The following DGLUCY variants were observed in gnomAD, a reference collection of about 807,000 sequenced individuals.
DGLUCY encodes D-glutamate cyclase, mitochondrial.
In DGLUCY, 58 loss-of-function variants were observed where a neutral mutation model predicts 58.5. The observed-to-expected ratio is 0.99, with a 90% CI of 0.80 to 1.23. The LOEUF is 1.23. DGLUCY is among the 50% of genes most tolerant of loss of function. DGLUCY has a pLI of 0.00. For missense variants in DGLUCY, 779 were observed against 784.7 expected, an observed-to-expected ratio of 0.99 and a Z score of 0.09; for synonymous variants, 325 against 314.1, an observed-to-expected ratio of 1.03 and a Z score of -0.37.
At chr14:91,187,846 A>G (rs1362707540) in intron 8 of DGLUCY, among the ~76,000 whole-genome samples, 1 of 151,362 alleles carries the variant, frequency 6.6e-6, no homozygotes, top group Non-Finnish European at 1.5e-5. Context: ...ACAATCCTTT[A>G]CTGTTTTTTT....
intron 10 of DGLUCY, among the ~76,000 whole-genome samples, chr14:91,198,813 C>T (rs1284771473): frequency 6.6e-6 from 1 of 152,082 alleles, no homozygotes; most frequent in African/African-American, 2.4e-5. Flanking sequence ...GTGAGGTACA[C>T]AGTGTGGTCA....
chr14:91,157,634 T>C lies in DGLUCY; in HGVS notation c.-81-5T>C, dbSNP rs904107476. ...ATTGAAGGCATTTTTTTTTTGACTT[T>C]GCAGGAGCCAAGTTACACCCTGTTT... On this transcript the variant is annotated splice_polypyrimidine_tract_variant and splice_region_variant and intron_variant, in intron 1 of 13. Coordinates refer to ENST00000256324, the MANE Select transcript of DGLUCY (RefSeq NM_001102368.3). 1 of 152,110 alleles carries C rather than the reference T, an allele frequency of 6.6e-6. No homozygotes were observed. Among genetic ancestry groups the C allele is most frequent in the African/African-American group, 2.4e-5 (1 of 41,410 alleles). The allele number at this position is 152,110 out of a possible 1,614,324, so 9.4% of individuals were successfully genotyped here.
chr14:91,110,435 T>TTC (rs2044674886), upstream of DGLUCY, among the ~76,000 whole-genome samples: 1 of 146,392 alleles, frequency 6.8e-6, no homozygotes, highest in Non-Finnish European at 1.5e-5. Context: ...TCTTTCTTTT[T>TTC]TTTTTTTTTT....
intron 1 of DGLUCY, among the ~76,000 whole-genome samples, chr14:91,135,926 CTTTTTTTTTTTTT>C (rs34202137): frequency 2.1e-4 from 11 of 51,178 alleles, no homozygotes; most frequent in Non-Finnish European, 3.9e-4. Flanking sequence ...GATACATTAG[CTTTTTTTTTTTTT>C]TTTTTTTTTT....
chr14:91,119,166 A>G (rs1288438074), intron 1 of DGLUCY, among the ~76,000 whole-genome samples: 4 of 151,880 alleles, frequency 2.6e-5, no homozygotes, highest in Non-Finnish European at 4.4e-5. Context: ...CAGGCAAACA[A>G]CTCTGCTCCA....
intron 1 of DGLUCY, among the ~76,000 whole-genome samples, chr14:91,068,375 A>C (rs562826027): frequency 1.3e-5 from 2 of 152,348 alleles, no homozygotes; most frequent in South Asian, 4.1e-4. Flanking sequence ...TAAAAGATAT[A>C]AAGATATTGG....
intron 8 of DGLUCY, among the ~76,000 whole-genome samples, chr14:91,186,256 C>T (rs571683659): frequency 6.6e-6 from 1 of 152,000 alleles, no homozygotes; most frequent in East Asian, 1.9e-4. Flanking sequence ...CCTCGCCCCC[C>T]CTTTTTTTGA....
intron 12 of DGLUCY, among the ~76,000 whole-genome samples, chr14:91,207,351 A>C (rs1177606149): frequency 2.0e-5 from 3 of 152,088 alleles, no homozygotes; most frequent in Non-Finnish European, 4.4e-5. Flanking sequence ...GGAAAAAAAA[A>C]CCCACAACAG....
chr14:91,060,445 T>C (rs774261248), exon 1 of DGLUCY: 1 of 1,456,096 alleles, frequency 6.9e-7, no homozygotes, highest in Non-Finnish European at 9.1e-7. Context: ...CTTCTCCTTT[T>C]TTTCCGATCC....
chr14:91,204,934 C>G lies in DGLUCY; in HGVS notation c.1564+109C>G, dbSNP rs553610056. 239 of 1,470,826 alleles carry G rather than the reference C, an allele frequency of 1.6e-4. 1 individual carries two copies. The African/African-American group carries it at 3.1e-3, about 19-fold the overall frequency. 91.1% of individuals were successfully genotyped at this position (1,470,826 alleles called of 1,614,324 possible). On this transcript the variant is annotated intron_variant, in intron 12 of 13. Coordinates refer to ENST00000256324, the MANE Select transcript of DGLUCY (RefSeq NM_001102368.3). ...TCTTCTCTGCAGTCAGTCCATAGGG[C>G]ACCAGGGCAGGGAGGGGAGGTGGTG...
At chr14:91,103,846 A>G (rs2044535723), upstream of DGLUCY, among the ~76,000 whole-genome samples, 1 of 151,830 alleles carries the variant, frequency 6.6e-6, no homozygotes, top group South Asian at 2.1e-4. Flanking sequence ...ACACACACAT[A>G]CATGAAAGTT....
At chr14:91,147,955 C>G (rs551597236) in intron 1 of DGLUCY, 4 of 152,326 alleles carry the variant, frequency 2.6e-5, no homozygotes, top group African/African-American at 7.2e-5. Context: ...AGGTGGATCA[C>G]TTAAGGTCAG....
chr14:91,131,599 A>G (rs925579861), intron 1 of DGLUCY, among the ~76,000 whole-genome samples: 6 of 151,880 alleles, frequency 4.0e-5, no homozygotes, highest in African/African-American at 1.5e-4. Context: ...TATATCTCCT[A>G]TGCTATCCCT....
At chr14:91,108,526 T>TGTGTGTGTGAGAGAGAGAGAGAGA (rs1265665234) in intron 1 of DGLUCY, among the ~76,000 whole-genome samples, 21 of 52,174 alleles carry the variant, frequency 4.0e-4, no homozygotes, top group African/African-American at 8.2e-4. Flanking sequence ...TGTGTGTGTG[T>TGTGTGTGTGAGAGAGAGAGAGAGA]GAGAGAGAGA....
chr14:91,208,933 AAGT>A (rs1396600193), intron 12 of DGLUCY, among the ~76,000 whole-genome samples: 1 of 152,204 alleles, frequency 6.6e-6, no homozygotes, highest in Admixed American at 6.5e-5. Context: ...TTAATTTTAA[AAGT>A]AGAATTTACA....
At chr14:91,155,076 C>T (rs1325612136) in intron 1 of DGLUCY, among the ~76,000 whole-genome samples, 1 of 152,212 alleles carries the variant, frequency 6.6e-6, no homozygotes, top group Non-Finnish European at 1.5e-5. Context: ...AGCCCCTTCT[C>T]CTCCACCCTG....
intron 1 of DGLUCY, among the ~76,000 whole-genome samples, chr14:91,063,378 C>T (rs569603309): frequency 1.4e-3 from 218 of 152,160 alleles, no homozygotes; most frequent in Admixed American, 2.7e-3. Flanking sequence ...CAGAAAACTC[C>T]TTGCATAATC....
At position 91,173,382 on chromosome 14, in the gene DGLUCY, C is replaced by CAA. The variant is rs766573316; in HGVS notation, c.550_551insAA (p.Arg184GlnfsTer52). The CAA allele has an allele frequency of 5.0e-6, 8 of 1,611,498 alleles. No individual in the cohort carries two copies. Among genetic ancestry groups the CAA allele is most frequent in the Non-Finnish European group, 6.8e-6 (8 of 1,179,322 alleles). On this transcript the variant is annotated frameshift_variant, in exon 6 of 14. Coordinates refer to ENST00000256324, the MANE Select transcript of DGLUCY (RefSeq NM_001102368.3). LOFTEE classifies it high-confidence loss of function. ...CAAGGACAAGCTGGAAGGGCTGGTG[C>CAA]GGGCCTGCTGCTCCCTCGGAGGTGA...
chr14:91,210,593 C>T (rs780577232), intron 12 of DGLUCY, among the ~76,000 whole-genome samples: 4 of 152,008 alleles, frequency 2.6e-5, no homozygotes, highest in East Asian at 3.9e-4. Flanking sequence ...TAATCCATTA[C>T]GTCAATAGGC....
Sources: allele counts gnomAD v4.1 joint callset (sites outside exome capture counted in the v4.1 genomes callset), GRCh38; gene constraint gnomAD v4.1.1; transcripts MANE v1.5; gene names NCBI Gene and HGNC (gene_info 2026-07-23, HGNC 2026-07-21).